The following KIF26B variants were observed in gnomAD, a reference collection of about 807,000 sequenced individuals.
The protein encoded by KIF26B is kinesin family member 26B, also known as kinesin-like protein KIF26B.
KIF26B carries 63 observed loss-of-function variants against 151.2 expected under a neutral mutation model. The ratio of observed to expected loss-of-function variants is 0.42; its 90% CI spans 0.34 to 0.51. KIF26B has a LOEUF of 0.51. Among genes scored for constraint, KIF26B ranks in the 20% least tolerant of loss-of-function variants. The pLI is 0.07. For synonymous variants in KIF26B, 1,357 were observed against 1,262.1 expected (o/e 1.08, Z -1.59); for missense variants, 2,813 against 2,913.6 (o/e 0.97, Z 0.79).
At chr1:245,465,258 G>A (rs187135559) in intron 4 of KIF26B, among the ~76,000 whole-genome samples, 15 of 152,290 alleles carry the variant, frequency 9.8e-5, no homozygotes, top group East Asian at 3.9e-4. Context: ...GATCACAGGC[G>A]TGAGCCACCG....
intron 4 of KIF26B, 118 bp downstream of exon 4, chr1:245,419,863 C>A: frequency 1.0e-6 from 1 of 956,846 alleles, no homozygotes; most frequent in East Asian, 2.5e-5. Flanking sequence ...TGATGTCATT[C>A]ATTAAGACAG....
rs1169440502 is a variant in KIF26B at position 245,607,802 on chromosome 1, T to C, written c.1651+58T>C. On this transcript the variant is annotated intron_variant, in intron 7 of 14. Coordinates refer to ENST00000407071, the MANE Select transcript of KIF26B (RefSeq NM_018012.4). ...GTTGAGCTCCCTGTCATCCCATGCA[T>C]TCCTCTGTCTCCCTCCCAGAGTTCT... is the stretch of plus-strand genomic sequence containing the variant. The C allele has an allele frequency of 2.1e-5, 28 of 1,329,240 alleles. No individual in the cohort carries two copies. The Admixed American group carries it at 5.5e-4, about 26-fold the overall frequency. The allele number at this position is 1,329,240 out of a possible 1,614,324, so 82.3% of individuals were successfully genotyped here.
intron 2 of KIF26B, chr1:245,216,295 C>T (rs950063113): frequency 1.3e-5 from 2 of 151,886 alleles, no homozygotes; most frequent in Non-Finnish European, 2.9e-5. Context: ...CTTGCAACAT[C>T]TGATGTATCT....
intron 5 of KIF26B, among the ~76,000 whole-genome samples, chr1:245,578,099 T>G (rs547788786): frequency 1.4e-4 from 21 of 152,366 alleles, no homozygotes; most frequent in African/African-American, 4.6e-4. Flanking sequence ...TGTCTACGAA[T>G]AGAACTTGGC....
At chr1:245,439,727 T>A (rs1168891103) in intron 4 of KIF26B, among the ~76,000 whole-genome samples, 4 of 152,208 alleles carry the variant, frequency 2.6e-5, no homozygotes, top group Non-Finnish European at 4.4e-5. Flanking sequence ...TCTTATGAGA[T>A]GATAGACTTG....
intron 2 of KIF26B, among the ~76,000 whole-genome samples, chr1:245,351,143 C>T (rs56181778): frequency 0.21 from 31,744 of 152,090 alleles, 7,243 homozygotes; most frequent in African/African-American, 0.56. Context: ...CTTAGCTGAG[C>T]GCGTTTCCCT....
chr1:245,469,466 A>G (rs1056835218), intron 4 of KIF26B, among the ~76,000 whole-genome samples: 2 of 152,246 alleles, frequency 1.3e-5, no homozygotes, highest in African/African-American at 4.8e-5. Context: ...ACTGATTGGC[A>G]TAGTTGTCAG....
At chr1:245,442,816 C>G (rs12031228) in intron 4 of KIF26B, among the ~76,000 whole-genome samples, 4 of 60,848 alleles carry the variant, frequency 6.6e-5, no homozygotes, top group South Asian at 7.6e-4. Flanking sequence ...TGTTCACCTA[C>G]AGCGGTCATC....
intron 2 of KIF26B, among the ~76,000 whole-genome samples, chr1:245,180,103 A>G (rs1199971860): frequency 6.6e-6 from 1 of 152,256 alleles, no homozygotes; most frequent in Non-Finnish European, 1.5e-5. Flanking sequence ...GAGACAGGCA[A>G]GAGGCTGTCG....
chr1:245,451,892 G>C (rs373227509), intron 4 of KIF26B, among the ~76,000 whole-genome samples: 5 of 152,142 alleles, frequency 3.3e-5, no homozygotes, highest in African/African-American at 1.2e-4. Context: ...GAGCCACCAT[G>C]CCTGGCTAAG....
At chr1:245,336,983 T>C (rs1379979152) in intron 2 of KIF26B, among the ~76,000 whole-genome samples, 1 of 152,148 alleles carries the variant, frequency 6.6e-6, no homozygotes, top group African/African-American at 2.4e-5. Flanking sequence ...CCTGTCTTTC[T>C]GCAGGTTTGT....
intron 12 of KIF26B, among the ~76,000 whole-genome samples, chr1:245,697,742 C>A (rs1428841342): frequency 1.3e-5 from 2 of 152,096 alleles, no homozygotes; most frequent in East Asian, 3.9e-4. Flanking sequence ...GATTGAAATT[C>A]AGGCTTCAGC....
At chr1:245,320,443 T>A (rs986897731) in intron 2 of KIF26B, among the ~76,000 whole-genome samples, 2 of 152,256 alleles carry the variant, frequency 1.3e-5, no homozygotes, top group Admixed American at 1.3e-4. Context: ...GTGCTACGTT[T>A]GTTTCAACTG....
intron 2 of KIF26B, among the ~76,000 whole-genome samples, chr1:245,316,538 A>G (rs1281202460): frequency 6.6e-6 from 1 of 151,568 alleles, no homozygotes; most frequent in Non-Finnish European, 1.5e-5. Context: ...ATGATTTTCA[A>G]TTTTTTTTTA....
In KIF26B at chr1:245,375,858, G is replaced by A. The variant is rs912104158; in HGVS notation, c.999+8491G>A. ...CACACAACAAACCCCGTTACCCTGC[G>A]GATCGGCCGGTCCATGCACAAGTCA... On this transcript the variant is annotated intron_variant, in intron 3 of 14. Coordinates refer to ENST00000407071, the MANE Select transcript of KIF26B (RefSeq NM_018012.4). This position sits in a 1 kb window ranked among gnomAD's most constrained non-coding sequence, Gnocchi z 4.2. Among the ~76,000 whole-genome samples, 2 of 152,094 alleles carry A rather than the reference G, an allele frequency of 1.3e-5. No homozygotes were observed. The highest frequency in any genetic ancestry group is 2.4e-5 in the African/African-American group (1 of 41,420).
intron 2 of KIF26B, among the ~76,000 whole-genome samples, chr1:245,248,344 C>G (rs1393298453): frequency 1.3e-5 from 2 of 152,328 alleles, no homozygotes; most frequent in East Asian, 3.9e-4. Flanking sequence ...ATGCCTCCGC[C>G]TGCCCGTGAG....
At position 245,686,992 on chromosome 1, in the gene KIF26B, C is replaced by T. The variant is rs2044535331; in HGVS notation, c.4009C>T (p.Pro1337Ser). Residue 1337 changes from proline to serine, a missense_variant, in exon 12 of 15, where the codon CCC becomes TCC. Coordinates refer to ENST00000407071, the MANE Select transcript of KIF26B (RefSeq NM_018012.4). The surrounding 1 kb of genome is among the most constrained non-coding windows in gnomAD (Gnocchi z 5.6). Reference protein sequence around the residue: ...VVCREKPKASPDNLLILSEMG... With the variant: ...VVCREKPKASSDNLLILSEMG... ...GTGCAGAGAGAAGCCCAAGGCCAGC[C>T]CCGACAACTTGCTCATCCTGTCTGA... is the stretch of plus-strand genomic sequence containing the variant. 1 of 1,613,474 alleles carries T rather than the reference C, an allele frequency of 6.2e-7. No homozygotes were observed. The highest frequency in any genetic ancestry group is 1.3e-5 in the African/African-American group (1 of 74,896).
In KIF26B at chr1:245,301,110, C is replaced by T. The variant is rs1350360225; in HGVS notation, c.466-65724C>T. 4.6e-5 allele frequency among the ~76,000 whole-genome samples: 7 copies of T among 152,088 alleles called. No homozygotes were observed. In the South Asian group the frequency reaches 8.3e-4, roughly 18 times the overall value. ...CCTCCTGAAGTGCTGGGATTAGAGG[C>T]GTGAGCCACCACGCTCGGCCGAGGC... On this transcript the variant is annotated intron_variant, in intron 2 of 14. Transcript: ENST00000407071.
chr1:245,639,563 T>C (rs1163197168), intron 9 of KIF26B, among the ~76,000 whole-genome samples: 1 of 151,920 alleles, frequency 6.6e-6, no homozygotes, highest in Non-Finnish European at 1.5e-5. Context: ...CATTAGGTTG[T>C]TTATATTTGG....
Sources: allele counts gnomAD v4.1 joint callset (sites outside exome capture counted in the v4.1 genomes callset), GRCh38; gene constraint gnomAD v4.1.1; non-coding constraint Gnocchi (gnomAD v3.1); transcripts MANE v1.5; gene names NCBI Gene and HGNC (gene_info 2026-07-23, HGNC 2026-07-21).